Variants in GPRC6A observed in about 807,000 individuals in gnomAD.
GPRC6A encodes G protein-coupled receptor class C group 6 member A, also known as G protein-coupled receptor family C group 6 member A.
GPRC6A carries 54 observed loss-of-function variants against 47.0 expected under a neutral mutation model. The ratio of observed to expected loss-of-function variants is 1.15; its 90% CI spans 0.92 to 1.44. GPRC6A has a LOEUF of 1.44. GPRC6A is among the 40% of genes most tolerant of loss of function. The pLI, the probability that GPRC6A is intolerant of heterozygous loss-of-function variation, is 0.00. For synonymous variants in GPRC6A, 347 were observed against 377.1 expected (o/e 0.92, Z 0.93); for missense variants, 1,112 against 1,105.5 (o/e 1.01, Z -0.08).
At chr6:116,824,235 A>C (rs1773602960) in intron 1 of GPRC6A, among the ~76,000 whole-genome samples, 1 of 152,078 alleles carries the variant, frequency 6.6e-6, no homozygotes, top group African/African-American at 2.4e-5. Flanking sequence ...AGAAGGAAAG[A>C]AATAATAAAG....
At position 116,795,190 on chromosome 6, in the gene GPRC6A, C is replaced by T. The variant is rs79961374; in HGVS notation, c.1672+522G>A. ...ACAGTCATTTACTAGCATCTCATCC[C>T]TGTTGATAGTTGGTCCCTTGTCTCA... On this transcript the variant is annotated intron_variant, in intron 5 of 5. Coordinates refer to ENST00000310357, the MANE Select transcript of GPRC6A (RefSeq NM_148963.4). 1.6e-3 allele frequency among the ~76,000 whole-genome samples: 250 copies of T among 152,290 alleles called. 4 individuals are homozygous for T. The East Asian group carries it at 0.045, about 27-fold the overall frequency.
chr6:116,796,208 C>G (rs1311349329), intron 4 of GPRC6A, among the ~76,000 whole-genome samples: 1 of 151,426 alleles, frequency 6.6e-6, no homozygotes, highest in Non-Finnish European at 1.5e-5. Flanking sequence ...TAGCAAATGG[C>G]TAGATTTTTA....
intron 1 of GPRC6A, among the ~76,000 whole-genome samples, chr6:116,821,522 A>G (rs1166794671): frequency 2.6e-5 from 4 of 152,176 alleles, no homozygotes; most frequent in African/African-American, 4.8e-5. Flanking sequence ...ATATAGATCA[A>G]TGGAACAGAA....
Position 116,806,529 on chromosome 6 carries a change from T to C in GPRC6A, c.1176A>G (p.Ile392Met). The C allele has an allele frequency of 6.2e-7, 1 of 1,613,646 alleles. No individual in the cohort carries two copies. The stretch of plus-strand genomic sequence containing the variant: ...CATTTCTCATGACGAAGTTCCTTTC[T>C]ATAGCCTTGTTAGCCTTGTAGGCCA... ...RTLAYKANKA[I>M]ERNFVMRNDF... The change falls in exon 3 of 6, where the codon ATA becomes ATG. Residue 392 changes from isoleucine (I) to methionine (M), a missense_variant. Ile to Met is a conservative substitution (Grantham distance 10). Transcript: ENST00000310357.
Position 116,828,928 on chromosome 6 carries a change from G to A in GPRC6A, c.86C>T (p.Ala29Val). The A allele has an allele frequency of 6.2e-7, 1 of 1,613,304 alleles. No homozygotes were observed. Among genetic ancestry groups the A allele is most frequent in the East Asian group, 2.2e-5 (1 of 44,860 alleles). Residue 29 changes from alanine to valine, a missense_variant, in exon 1 of 6, where the codon GCT becomes GTT. By Grantham distance (64) the Ala-to-Val change is moderately conservative (BLOSUM62 0). Transcript: ENST00000310357. Reference sequence around the variant, plus strand: ...TATGATATGTCCCGGAGAAGTGGCAGCCACAAAGTCATCAGGGGTCTGGCA... The same window carrying A: ...TATGATATGTCCCGGAGAAGTGGCAACCACAAAGTCATCAGGGGTCTGGCA... Reference protein sequence around the residue: ...QPCQTPDDFVAATSPGHIIIG... With the variant: ...QPCQTPDDFVVATSPGHIIIG...
rs773090972 is a variant in GPRC6A, at chr6:116,806,389, T to C, written c.1316A>G (p.Asn439Ser). The change falls in exon 3 of 6, where the codon AAC becomes AGC. Residue 439 changes from asparagine to serine, a missense_variant. Physicochemically the swap from Asn to Ser is conservative, Grantham distance 46. Coordinates refer to ENST00000310357, the MANE Select transcript of GPRC6A (RefSeq NM_148963.4). ...LCQARDCQNP[N>S]AFQPWELLGV... is the part of the protein sequence containing the mutation. ...TAGTACCTCCCATGGTTGAAAGGCG[T>C]TGGGGTTCTGACAGTCACGAGCTTG... is the stretch of plus-strand genomic sequence containing the variant. 13 of 1,609,440 alleles carry C rather than the reference T, an allele frequency of 8.1e-6. No individual in the cohort carries two copies. Among genetic ancestry groups the C allele is most frequent in the South Asian group, 2.2e-5 (2 of 90,868 alleles).
At chr6:116,814,855 C>T (rs1424219626) in intron 1 of GPRC6A, among the ~76,000 whole-genome samples, 1 of 151,834 alleles carries the variant, frequency 6.6e-6, no homozygotes, top group African/African-American at 2.4e-5. Flanking sequence ...TATAAAAGCA[C>T]ATATAGACTG....
intron 3 of GPRC6A, among the ~76,000 whole-genome samples, chr6:116,803,516 A>G (rs758665033): frequency 2.0e-5 from 3 of 152,090 alleles, no homozygotes; most frequent in Admixed American, 6.6e-5. Context: ...AGACTTTTCA[A>G]TCCCACTGTG....
At chr6:116,811,199 C>G (rs1164179569) in intron 1 of GPRC6A, among the ~76,000 whole-genome samples, 1 of 152,150 alleles carries the variant, frequency 6.6e-6, no homozygotes, top group Non-Finnish European at 1.5e-5. Context: ...TTATGCCAGT[C>G]ATGGCCAAAA....
chr6:116,808,317 A>G (rs1448530312), intron 2 of GPRC6A, among the ~76,000 whole-genome samples: 1 of 152,122 alleles, frequency 6.6e-6, no homozygotes, highest in African/African-American at 2.4e-5. Context: ...TCTGCCGTCT[A>G]TTACAGAAAT....
At position 116,829,067 on chromosome 6, in the gene GPRC6A, C is replaced by T. The variant is rs1014756712; in HGVS notation, c.-54G>A. 7.0e-5 allele frequency: 108 copies of T among 1,547,340 alleles called. 1 individual carries two copies. In the South Asian group the frequency reaches 1.1e-3, roughly 16 times the overall value. On this transcript the variant is annotated 5_prime_UTR_variant, in exon 1 of 6. The change creates a new upstream start codon in the 5' untranslated region. Coordinates refer to ENST00000310357, the MANE Select transcript of GPRC6A (RefSeq NM_148963.4). ...GAGTTCTTAGGAATCATTAAGTGCA[C>T]GGAGTGCCAGCAAGATTCCTATTTC...
intron 1 of GPRC6A, among the ~76,000 whole-genome samples, chr6:116,809,866 T>C (rs1772970899): frequency 6.6e-6 from 1 of 152,190 alleles, no homozygotes; most frequent in Admixed American, 6.5e-5. Flanking sequence ...TTTTTGATCA[T>C]TTTGAACACT....
At chr6:116,813,271 T>C (rs1366102828) in intron 1 of GPRC6A, among the ~76,000 whole-genome samples, 2 of 152,154 alleles carry the variant, frequency 1.3e-5, no homozygotes, top group African/African-American at 4.8e-5. Flanking sequence ...AAAGTTCATA[T>C]GGAACCAAAA....
At chr6:116,818,532 TAAAAAAAAAAAAAAAA>T (rs35974500) in intron 1 of GPRC6A, among the ~76,000 whole-genome samples, 314 of 15,500 alleles carry the variant, frequency 0.02, 18 homozygotes, top group Middle Eastern at 0.14. Flanking sequence ...AGACTCCGTC[TAAAAAAAAAAAAAAAA>T]AAAAAAAAAA....
Position 116,816,942 on chromosome 6 carries a change from T to C in GPRC6A, c.195-7325A>G, listed in dbSNP as rs369767785. Among the ~76,000 whole-genome samples, 176 of 152,124 alleles carry C rather than the reference T, an allele frequency of 1.2e-3. 1 individual carries two copies. Among genetic ancestry groups the C allele is most frequent in the Non-Finnish European group, 1.7e-3 (118 of 67,992 alleles). On this transcript the variant is annotated intron_variant, in intron 1 of 5. Coordinates refer to ENST00000310357, the MANE Select transcript of GPRC6A (RefSeq NM_148963.4). ...AGCAGTCTGAGATCAAACTGCAAGG[T>C]GGCAGCGAGGCTGGGGGAGGGGCGC...
At chr6:116,793,643 C>G (rs1227914401) in intron 5 of GPRC6A, among the ~76,000 whole-genome samples, 1 of 152,124 alleles carries the variant, frequency 6.6e-6, no homozygotes, top group African/African-American at 2.4e-5. Context: ...TTCCTGTAAA[C>G]TTGAACAAAC....
intron 1 of GPRC6A, among the ~76,000 whole-genome samples, chr6:116,821,307 G>T (rs887519599): frequency 3.3e-5 from 5 of 152,054 alleles, no homozygotes; most frequent in African/African-American, 1.2e-4. Context: ...CAGATTCAAT[G>T]CCATCCCCAT....
intron 4 of GPRC6A, among the ~76,000 whole-genome samples, chr6:116,800,253 T>C (rs1772618234): frequency 2.2e-5 from 2 of 91,934 alleles, no homozygotes; most frequent in African/African-American, 8.8e-5. Context: ...TTTCTCTCTC[T>C]CTTCCTTCCT....
chr6:116,819,047 G>A (rs1773355712), intron 1 of GPRC6A, among the ~76,000 whole-genome samples: 1 of 151,870 alleles, frequency 6.6e-6, no homozygotes, highest in Non-Finnish European at 1.5e-5. Flanking sequence ...AAAAAGGCAG[G>A]GGTTGCAATC....
Sources: gnomAD v4.1 joint callset for allele counts (sites outside exome capture counted in the v4.1 genomes callset) on GRCh38, gnomAD v4.1.1 for gene constraint, MANE v1.5 for transcripts, NCBI Gene and HGNC (gene_info 2026-07-23, HGNC 2026-07-21) for gene names.